Variants in CSF2RA observed in about 807,000 individuals in gnomAD.
CSF2RA encodes the protein granulocyte-macrophage colony-stimulating factor receptor subunit alpha.
Under a neutral mutation model 51.6 loss-of-function variants are expected in CSF2RA, and 42 were observed. That is an observed-to-expected ratio of 0.81 (90% confidence interval 0.64 to 1.05). The LOEUF is 1.05. Ranked by LOEUF, CSF2RA falls within the 50% of genes least tolerant of loss-of-function variation. The pLI, the probability that CSF2RA is intolerant of heterozygous loss-of-function variation, is 0.00. For missense variants in CSF2RA, 530 were observed against 501.1 expected (o/e 1.06, Z -0.55); for synonymous variants, 222 against 193.0 (o/e 1.15, Z -1.24).
At chrX:1,313,599 C>T (rs190254094), downstream of CSF2RA, among the ~76,000 whole-genome samples, 349 of 150,974 alleles carry the variant, frequency 2.3e-3, no homozygotes, top group African/African-American at 8.1e-3. Flanking sequence ...ATAATCCCAG[C>T]TACTTGGGAG....
At chrX:1,288,997 T>C in intron 6 of CSF2RA, 109 bp downstream of exon 6, 1 of 1,476,696 alleles carries the variant, frequency 6.8e-7, no homozygotes, top group Admixed American at 1.7e-5. Flanking sequence ...GGTCTTGCTC[T>C]GTTGCCCAGG....
the CSF2RA span, among the ~76,000 whole-genome samples, chrX:1,322,108 T>TTATTTATTTATTTATTTATG: frequency 2.7e-5 from 4 of 150,900 alleles, no homozygotes; most frequent in African/African-American, 9.8e-5. Context: ...TATTATTTAT[T>TTATTTATTTATTTATTTATG]TATTTATTTA....
chrX:1,311,011 G>T (rs1376561920), downstream of CSF2RA, among the ~76,000 whole-genome samples: 1 of 152,060 alleles, frequency 6.6e-6, no homozygotes, highest in Non-Finnish European at 1.5e-5. Flanking sequence ...ACTTTGGGAG[G>T]CCGAGGCTGG....
At position 1,309,836 on chromosome X, in the gene CSF2RA, C is replaced by A. The variant is rs1240171703; in HGVS notation, c.*357C>A. 9 of 604,384 alleles carry A rather than the reference C, an allele frequency of 1.5e-5. No homozygotes were observed. The East Asian group carries it at 2.2e-4, about 15-fold the overall frequency. The allele number at this position is 604,384 out of a possible 1,614,324, so 37.4% of individuals were successfully genotyped here. The stretch of plus-strand genomic sequence containing the variant: ...CCGTGAGGCGGAGGTTGTAGTGAGC[C>A]AAGATCGCACCATTGCACACCAACC... On this transcript the variant is annotated 3_prime_UTR_variant, in exon 13 of 13. Coordinates refer to ENST00000381529, the MANE Select transcript of CSF2RA (RefSeq NM_172245.4).
At chrX:1,320,591 G>T in the CSF2RA span, among the ~76,000 whole-genome samples, 1 of 149,820 alleles carries the variant, frequency 6.7e-6, no homozygotes, top group Non-Finnish European at 1.5e-5. Context: ...TCTGCCTCCA[G>T]GGTTCAAGCG....
chrX:1,289,163 G>A (rs1252490015), intron 6 of CSF2RA: 23 of 483,590 alleles, frequency 4.8e-5, no homozygotes, highest in Non-Finnish European at 7.9e-5. Context: ...TTGCTCTGTC[G>A]CCCAGGCTGG....
intron 3 of CSF2RA, among the ~76,000 whole-genome samples, chrX:1,283,257 TTCCA>T (rs202145533): frequency 0.084 from 12,450 of 147,922 alleles, 1,725 homozygotes; most frequent in African/African-American, 0.29. Context: ...CTCTCCTTCC[TTCCA>T]TCCTTCTCTC....
chrX:1,323,215 T>C, the CSF2RA span, among the ~76,000 whole-genome samples: 1 of 132,996 alleles, frequency 7.5e-6, no homozygotes, highest in Admixed American at 7.7e-5. Context: ...TGTAATGAAG[T>C]AAAGAATCTG....
intron 2 of CSF2RA, among the ~76,000 whole-genome samples, chrX:1,281,111 T>TCCCC (rs2089973546): frequency 1.2e-5 from 1 of 84,478 alleles, no homozygotes; most frequent in African/African-American, 5.0e-5. Flanking sequence ...CTCCTCCTCC[T>TCCCC]TCTCCTCCTC....
At chrX:1,273,858 G>A (rs28652759) in intron 1 of CSF2RA, among the ~76,000 whole-genome samples, 111,665 of 149,792 alleles carry the variant, frequency 0.75, 41,769 homozygotes, top group Middle Eastern at 0.82. Context: ...TCGGCCTCCC[G>A]AAGTGCTGGG....
At chrX:1,278,836 G>C (rs1163859610) in intron 2 of CSF2RA, among the ~76,000 whole-genome samples, 2 of 149,406 alleles carry the variant, frequency 1.3e-5, no homozygotes, top group Non-Finnish European at 3.0e-5. Context: ...TCAGAAGTTC[G>C]AGACCAGCCT....
the CSF2RA span, among the ~76,000 whole-genome samples, chrX:1,323,056 G>T: frequency 2.6e-5 from 4 of 151,898 alleles, no homozygotes; most frequent in African/African-American, 9.7e-5. Flanking sequence ...GTGAACCCGG[G>T]AGGTGGAGGT....
At chrX:1,270,459 G>C (rs1284298991) in intron 1 of CSF2RA, among the ~76,000 whole-genome samples, 1 of 151,966 alleles carries the variant, frequency 6.6e-6, no homozygotes, top group Non-Finnish European at 1.5e-5. Flanking sequence ...GGCTGGTCTT[G>C]AACTCCTAGA....
At chrX:1,283,119 CTTCG>C (rs768197864) in intron 3 of CSF2RA, among the ~76,000 whole-genome samples, 3,228 of 67,794 alleles carry the variant, frequency 0.048, 127 homozygotes, top group African/African-American at 0.12. Flanking sequence ...TCCTTCGTTC[CTTCG>C]TTCCTTCCTT....
intron 10 of CSF2RA, among the ~76,000 whole-genome samples, chrX:1,301,770 G>A (rs1311248475): frequency 4.7e-5 from 7 of 148,090 alleles, no homozygotes; most frequent in Non-Finnish European, 7.5e-5. Context: ...CTAATTTTTT[G>A]TATTTTTTTT....
chrX:1,312,116 C>G (rs1261843309), downstream of CSF2RA, among the ~76,000 whole-genome samples: 1 of 152,146 alleles, frequency 6.6e-6, no homozygotes, highest in Non-Finnish European at 1.5e-5. Context: ...GCCACCACAC[C>G]TGGCTAACTT....
At chrX:1,323,579 G>C in the CSF2RA span, among the ~76,000 whole-genome samples, 1 of 151,634 alleles carries the variant, frequency 6.6e-6, no homozygotes, top group Admixed American at 6.6e-5. Flanking sequence ...TCGAGAAGTG[G>C]GAAGAGCTTT....
chrX:1,307,073 C>A (rs1313929024), intron 12 of CSF2RA, among the ~76,000 whole-genome samples: 1 of 151,958 alleles, frequency 6.6e-6, no homozygotes, highest in African/African-American at 2.4e-5. Context: ...CACCCTGAGA[C>A]CCCATTGGCG....
At chrX:1,300,757 T>G in intron 10 of CSF2RA, 131 bp downstream of exon 10, 1 of 1,185,370 alleles carries the variant, frequency 8.4e-7, no homozygotes, top group Non-Finnish European at 1.3e-6. Flanking sequence ...TGTCAGGCTC[T>G]GAGCTTATCG....
Sources: gnomAD v4.1 joint callset for allele counts (sites outside exome capture counted in the v4.1 genomes callset) on GRCh38, gnomAD v4.1.1 for gene constraint, MANE v1.5 for transcripts, NCBI Gene and HGNC (gene_info 2026-07-23, HGNC 2026-07-21) for gene names.